Variants in HYDIN observed in about 807,000 individuals in gnomAD.
HYDIN encodes axonemal central pair apparatus protein HYDIN.
HYDIN carries 132 observed loss-of-function variants against 403.9 expected under a neutral mutation model. That is an observed-to-expected ratio of 0.33 (90% CI 0.28 to 0.38). The LOEUF (loss-of-function observed/expected upper bound fraction) is 0.38, where lower values mean the gene tolerates loss of function less well. Among genes scored for constraint, HYDIN ranks in the 10% least tolerant of loss-of-function variants. The pLI, the probability that HYDIN is intolerant of heterozygous loss-of-function variation, is 1.00. For missense variants in HYDIN, 2,827 were observed against 5,009.5 expected, an observed-to-expected ratio of 0.56 and a Z score of 13.15; for synonymous variants, 1,202 against 1,891.7, an observed-to-expected ratio of 0.64 and a Z score of 9.46.
chr16:71,225,487 T>A (rs1257012785), intron 1 of HYDIN, among the ~76,000 whole-genome samples: 2 of 152,252 alleles, frequency 1.3e-5, no homozygotes, highest in African/African-American at 4.8e-5. Flanking sequence ...TGCTTTGGAT[T>A]GACCACTCTG....
intron 39 of HYDIN, among the ~76,000 whole-genome samples, chr16:70,956,296 CAA>C (rs2078234023): frequency 6.8e-6 from 1 of 148,026 alleles, no homozygotes; most frequent in Admixed American, 6.7e-5. Flanking sequence ...ATATAACAGA[CAA>C]GAGAAAAGAA....
chr16:71,048,675 G>C (rs1489242037), intron 18 of HYDIN, among the ~76,000 whole-genome samples: 3 of 151,922 alleles, frequency 2.0e-5, no homozygotes, highest in South Asian at 2.1e-4. Context: ...CATTGAGTAC[G>C]CATAGACACA....
intron 14 of HYDIN, among the ~76,000 whole-genome samples, 159 bp downstream of exon 14, chr16:71,069,108 T>C (rs2082369878): frequency 6.6e-6 from 1 of 151,330 alleles, no homozygotes; most frequent in Non-Finnish European, 1.5e-5. Flanking sequence ...TGTATTTGTG[T>C]CTGATTTATT....
At chr16:70,905,452 G>A (rs1177251435) in intron 50 of HYDIN, among the ~76,000 whole-genome samples, 1 of 151,410 alleles carries the variant, frequency 6.6e-6, no homozygotes, top group Non-Finnish European at 1.5e-5. Context: ...GACCAGCCTG[G>A]GCAACATGGT....
At chr16:70,811,632 C>T (rs1268162366) in intron 84 of HYDIN, among the ~76,000 whole-genome samples, 7 of 148,926 alleles carry the variant, frequency 4.7e-5, no homozygotes, top group South Asian at 2.2e-4. Flanking sequence ...CCAAGGCAGG[C>T]GGATCACCTG....
intron 11 of HYDIN, 81 bp downstream of exon 11, chr16:71,093,736 T>A (rs1210525436): frequency 6.6e-7 from 1 of 1,507,940 alleles, no homozygotes; most frequent in African/African-American, 1.4e-5. Flanking sequence ...ACTCTTTCCA[T>A]CAAATAAAAA....
chr16:71,081,714 T>C (rs1301776531), intron 12 of HYDIN, among the ~76,000 whole-genome samples: 1 of 149,148 alleles, frequency 6.7e-6, no homozygotes, highest in Admixed American at 6.8e-5. Flanking sequence ...CTCACAGGGA[T>C]TCAGAATGTT....
At chr16:71,018,803 A>G (rs2080357931) in intron 22 of HYDIN, among the ~76,000 whole-genome samples, 1 of 152,296 alleles carries the variant, frequency 6.6e-6, no homozygotes, top group Non-Finnish European at 1.5e-5. Flanking sequence ...TCTACAATGA[A>G]TAACTATTAT....
rs993791792 is a variant in HYDIN at position 70,802,413 on chromosome 16, A to C, written c.*5167T>G. On this transcript the variant is annotated 3_prime_UTR_variant, in exon 86 of 86. Transcript: ENST00000393567. ...ATTAATAAAAAGAGAGATTAACTTG[A>C]GTCGGCCTGACCGAATCAAGTGAGT... 2.0e-5 allele frequency: 3 copies of C among 152,256 alleles called. No individual in the cohort carries two copies. The highest frequency in any genetic ancestry group is 7.2e-5 in the African/African-American group (3 of 41,466). The allele number at this position is 152,256 out of a possible 1,614,324, so 9.4% of individuals were successfully genotyped here.
At chr16:71,034,457 C>A (rs997305971) in intron 18 of HYDIN, among the ~76,000 whole-genome samples, 1 of 151,872 alleles carries the variant, frequency 6.6e-6, no homozygotes, top group Admixed American at 6.6e-5. Context: ...TGGAATGTCA[C>A]CAAAATCCTG....
At chr16:71,040,619 T>C (rs2081258367) in intron 18 of HYDIN, among the ~76,000 whole-genome samples, 1 of 114,256 alleles carries the variant, frequency 8.8e-6, no homozygotes, top group African/African-American at 3.5e-5. Flanking sequence ...TGAATCTCGG[T>C]AGGAGGCAGG....
intron 19 of HYDIN, among the ~76,000 whole-genome samples, chr16:71,031,199 C>CAAAA: frequency 4.0e-5 from 1 of 25,160 alleles, no homozygotes; most frequent in Non-Finnish European, 8.2e-5. Context: ...GACTCCATCT[C>CAAAA]AAAAAAAAAA....
At chr16:71,171,209 C>G (rs1336573473) in intron 5 of HYDIN, among the ~76,000 whole-genome samples, 2 of 152,208 alleles carry the variant, frequency 1.3e-5, no homozygotes, top group East Asian at 3.9e-4. Context: ...CGCTCCTAGA[C>G]AGCCCTTCCC....
chr16:70,927,803 A>C (rs916851018), intron 45 of HYDIN, among the ~76,000 whole-genome samples: 1 of 152,242 alleles, frequency 6.6e-6, no homozygotes, highest in African/African-American at 2.4e-5. Context: ...ACAAAGATAG[A>C]AAAATAATAT....
chr16:70,829,461 T>C (rs561294427), intron 81 of HYDIN, among the ~76,000 whole-genome samples, 157 bp downstream of exon 81: 3 of 152,042 alleles, frequency 2.0e-5, no homozygotes, highest in Admixed American at 6.5e-5. Context: ...CTTGAACTAC[T>C]GACCTCAGGC....
At chr16:71,124,056 G>C (rs999198435) in intron 9 of HYDIN, among the ~76,000 whole-genome samples, 8 of 151,038 alleles carry the variant, frequency 5.3e-5, no homozygotes, top group African/African-American at 1.9e-4. Flanking sequence ...TCTCTCAAAA[G>C]ACAAACTCCC....
At chr16:71,230,532 G>T (rs948448045) in intron 1 of HYDIN, 30 bp downstream of exon 1, 1 of 1,517,320 alleles carries the variant, frequency 6.6e-7, no homozygotes, top group Non-Finnish European at 8.8e-7. Flanking sequence ...CTCACACTTT[G>T]ACCCCACAAT....
Position 70,991,291 on chromosome 16 carries a change from A to T in HYDIN, c.3864+27T>A, listed in dbSNP as rs564574610. Reference sequence around the variant, plus strand: ...TATGGGAAGGACCCTTGACCTGCCTACCCTCCCCATGGAAAGGACACCGTA... The same window carrying T: ...TATGGGAAGGACCCTTGACCTGCCTTCCCTCCCCATGGAAAGGACACCGTA... On this transcript the variant is annotated intron_variant, in intron 25 of 85. Transcript: ENST00000393567. The T allele has an allele frequency of 1.9e-6, 3 of 1,613,296 alleles. No individual in the cohort carries two copies. In the African/African-American group the frequency reaches 4.0e-5, roughly 22 times the overall value.
chr16:71,228,700 T>C (rs1196204004), intron 1 of HYDIN, among the ~76,000 whole-genome samples: 1 of 152,216 alleles, frequency 6.6e-6, no homozygotes, highest in Non-Finnish European at 1.5e-5. Context: ...ACTTTTACAC[T>C]GTTGGTGGGA....
Sources: gnomAD v4.1 joint callset for allele counts (sites outside exome capture counted in the v4.1 genomes callset) on GRCh38, gnomAD v4.1.1 for gene constraint, MANE v1.5 for transcripts, NCBI Gene and HGNC (gene_info 2026-07-23, HGNC 2026-07-21) for gene names.